PMS2: variants seen among roughly 807,000 people sequenced by gnomAD.
PMS2 encodes mismatch repair endonuclease PMS2.
A neutral mutation model predicts 90.0 loss-of-function variants in PMS2; 69 were observed. That is an observed-to-expected ratio of 0.77 (90% CI 0.63 to 0.94). PMS2 has a LOEUF of 0.94. Among genes scored for constraint, PMS2 ranks in the 40% least tolerant of loss-of-function variants. PMS2 has a pLI of 0.00. For synonymous variants in PMS2, 332 were observed against 375.1 expected (o/e 0.89, Z 1.33); for missense variants, 966 against 1,040.2 (o/e 0.93, Z 0.98).
chr7:5,998,388 G>A (rs1181253506), intron 6 of PMS2, among the ~76,000 whole-genome samples: 1 of 148,426 alleles, frequency 6.7e-6, no homozygotes. Context: ...CCTTGTGATA[G>A]GCACTTTAAA....
At position 5,977,136 on chromosome 7, in the gene PMS2, G is replaced by A. The variant is rs1327943313; in HGVS notation, c.2445+452C>T. Among the ~76,000 whole-genome samples the A allele has an allele frequency of 2.6e-5, 4 of 151,222 alleles. No individual in the cohort carries two copies. In the South Asian group the frequency reaches 8.3e-4, roughly 32 times the overall value. Reference sequence around the variant, plus strand: ...GTGGTATGAACTTGGCTCACTGCAAGTTCCGCCTTCTGGGTTCACGCCATT... The same window carrying A: ...GTGGTATGAACTTGGCTCACTGCAAATTCCGCCTTCTGGGTTCACGCCATT... On this transcript the variant is annotated intron_variant, in intron 14 of 14. Coordinates refer to ENST00000265849, the MANE Select transcript of PMS2 (RefSeq NM_000535.7).
intron 2 of PMS2, among the ~76,000 whole-genome samples, chr7:6,004,928 T>C (rs1262680593): frequency 6.6e-6 from 1 of 152,152 alleles, no homozygotes; most frequent in African/African-American, 2.4e-5. Flanking sequence ...TCTTTTGAGA[T>C]GGAGTTTTGC....
chr7:5,994,932 T>C (rs780069243), intron 8 of PMS2, among the ~76,000 whole-genome samples: 2 of 152,168 alleles, frequency 1.3e-5, no homozygotes, highest in Non-Finnish European at 2.9e-5. Context: ...ATATCTTCTG[T>C]AATTTATTGA....
rs552819358 is a variant in PMS2 at position 6,006,006 on chromosome 7, G to A, written c.49C>T (p.Pro17Ser). ...TGATGGACTGACTTCCGATCAATAG[G>A]TTTGATGGCCTTAGCAGGTTCTGTA... The part of the protein sequence containing the change: ...SSTEPAKAIK[P>S]IDRKSVHQIC... The change falls in exon 2 of 15, where the codon CCT (proline) becomes TCT (serine). Residue 17 changes from proline to serine, a missense_variant. Pro to Ser is a moderately conservative substitution (Grantham distance 74). This residue lies in a region of PMS2 where 871 missense variants were observed against 802.4 expected (regional missense o/e 1.09). Transcript: ENST00000265849. 1.2e-6 allele frequency: 2 copies of A among 1,610,694 alleles called. No individual in the cohort carries two copies. The highest frequency in any genetic ancestry group is 2.2e-5 in the East Asian group (1 of 44,870).
At position 5,983,535 on chromosome 7, in the gene PMS2, A is replaced by AT. The variant is rs948552913; in HGVS notation, c.2007-545dup. Among the ~76,000 whole-genome samples the AT allele has an allele frequency of 7.6e-4, 115 of 151,888 alleles. 4 individuals are homozygous for AT. Among genetic ancestry groups the AT allele is most frequent in the African/African-American group, 2.5e-3 (104 of 41,214 alleles). ...TTCTAGACCCTTGTCTCCATATATAATTTTTTTTAATTTTAAAAAACAAAA... is the reference window on the plus strand; with the variant it reads ...TTCTAGACCCTTGTCTCCATATATAATTTTTTTTTAATTTTAAAAAACAAAA... On this transcript the variant is annotated intron_variant, in intron 11 of 14. Coordinates refer to ENST00000265849, the MANE Select transcript of PMS2 (RefSeq NM_000535.7).
intron 14 of PMS2, 109 bp downstream of exon 14, chr7:5,977,479 G>C: frequency 2.7e-6 from 2 of 751,834 alleles, no homozygotes; most frequent in South Asian, 3.1e-5. Context: ...AATGACCCCT[G>C]GCAATCACAA....
chr7:5,999,007 C>T, intron 6 of PMS2, 101 bp downstream of exon 6: 2 of 1,148,350 alleles, frequency 1.7e-6, no homozygotes, highest in African/African-American at 1.6e-5. Context: ...AAAAAAAAAT[C>T]AATTCTAAGA....
chr7:6,004,138 T>C, intron 2 of PMS2, 80 bp from the exon 3 acceptor site: 2 of 797,202 alleles, frequency 2.5e-6, no homozygotes, highest in Non-Finnish European at 4.4e-6. Context: ...ATTTATAACA[T>C]ATGCAAATTT....
Position 5,989,852 on chromosome 7 carries a change from A to T in PMS2, c.1092T>A (p.Asp364Glu), listed in dbSNP as rs370066853. The change falls in exon 10 of 15, where the codon GAT (aspartate) becomes GAA (glutamate). Residue 364 changes from aspartate (D) to glutamate (E), a missense_variant. Asp to Glu is a conservative substitution (Grantham distance 45). Around this residue, in one of 2 missense-constraint regions of PMS2, gnomAD observed 871 missense variants for 802.4 expected, o/e 1.09. Coordinates refer to ENST00000265849, the MANE Select transcript of PMS2 (RefSeq NM_000535.7). ...VLKTSLIGMF[D>E]SDVNKLNVSQ... ...TGACATTTAGCTTGTTGACATCACT[A>T]TCAAACATTCCTATCAAAGAGGTCT... 1.2e-5 allele frequency: 19 copies of T among 1,612,722 alleles called. No homozygotes were observed. The highest frequency in any genetic ancestry group is 1.4e-5 in the Non-Finnish European group (17 of 1,179,074).
rs2128736217 is a variant in PMS2, at chr7:5,987,559, T to C, written c.1206A>G (p.Gln402=). The C allele has an allele frequency of 1.2e-6, 2 of 1,613,394 alleles. No individual in the cohort carries two copies. Among genetic ancestry groups the C allele is most frequent in the Non-Finnish European group, 1.7e-6 (2 of 1,179,378 alleles). Residue 402 remains glutamine (Q), a synonymous_variant, in exon 11 of 15, where the codon CAA becomes CAG. Transcript: ENST00000265849. ...CTTCTCCAGTCCTTAATGAAGGGGA[T>C]TGATCCTGCTTTTCTACCATGGGCT... The part of the protein sequence containing the change: ...LEKPMVEKQD[Q]SPSLRTGEEK...
chr7:6,005,822 A>C (rs1785675801), intron 2 of PMS2, 70 bp downstream of exon 2: 1 of 1,605,720 alleles, frequency 6.2e-7, no homozygotes, highest in African/African-American at 1.3e-5. Flanking sequence ...TTATTTCAAT[A>C]ACAAATGTTT....
At chr7:5,996,482 G>T (rs1583368856) in intron 7 of PMS2, among the ~76,000 whole-genome samples, 1 of 151,476 alleles carries the variant, frequency 6.6e-6, no homozygotes, top group Non-Finnish European at 1.5e-5. Flanking sequence ...TTGAACCTGG[G>T]AGGCAGAGGT....
At chr7:5,989,714 T>C (rs1783497897) in intron 10 of PMS2, 86 bp downstream of exon 10, 5 of 992,420 alleles carry the variant, frequency 5.0e-6, no homozygotes, top group Non-Finnish European at 7.8e-6. Flanking sequence ...TTTGTTTTCA[T>C]GTCAAAAAAA....
At chr7:5,983,830 T>C (rs1318778357) in intron 11 of PMS2, among the ~76,000 whole-genome samples, 1 of 151,568 alleles carries the variant, frequency 6.6e-6, no homozygotes, top group Non-Finnish European at 1.5e-5. Flanking sequence ...TTTTTTATTT[T>C]TAGTAGAGAC....
In PMS2 at chr7:5,973,535, A is replaced by G. The variant is rs786202876; in HGVS notation, c.2453T>C (p.Ile818Thr). Residue 818 changes from isoleucine (I) to threonine (T), a missense_variant, in exon 15 of 15, where the codon ATT becomes ACT. Ile to Thr is a moderately conservative substitution (Grantham distance 89, BLOSUM62 -1). Coordinates refer to ENST00000265849, the MANE Select transcript of PMS2 (RefSeq NM_000535.7). ...ASRACRKSVM[I>T]GTALNTSEMK... Reference sequence around the variant, plus strand: ...CTCGCTTGTGTTAAGAGCAGTCCCAATCATCACCTGAGTGTGAGACACAAT... The same window carrying G: ...CTCGCTTGTGTTAAGAGCAGTCCCAGTCATCACCTGAGTGTGAGACACAAT... The G allele has an allele frequency of 1.1e-5, 6 of 554,316 alleles. No homozygotes were observed. The allele number at this position is 554,316 out of a possible 1,614,324, so 34.3% of individuals were successfully genotyped here. A position where few individuals can be genotyped will look rare whatever the true frequency, so the allele number is the denominator to read the frequency against.
intron 6 of PMS2, 50 bp from the exon 7 acceptor site, chr7:5,997,473 T>C: frequency 9.8e-7 from 1 of 1,018,818 alleles, no homozygotes; most frequent in Non-Finnish European, 1.5e-6. Context: ...AAAGACAGAG[T>C]GGACTTAATC....
In PMS2 at chr7:5,987,060, T is replaced by G. The variant is rs762151417; in HGVS notation, c.1705A>C (p.Thr569Pro). The change falls in exon 11 of 15, where the codon ACT (threonine) becomes CCT (proline). Residue 569 changes from threonine (T) to proline (P), a missense_variant. Physicochemically the swap from Thr to Pro is conservative, Grantham distance 38 (BLOSUM62 -1). Coordinates refer to ENST00000265849, the MANE Select transcript of PMS2 (RefSeq NM_000535.7). ...TTTGTGTTTGGGGTTGCGAGATTAG[T>G]TGGCTGAGGCAAAACTCGAAATTTA... is the stretch of plus-strand genomic sequence containing the variant. ...GCKFRVLPQPTNLATPNTKRF... is the reference protein window; with the variant it reads ...GCKFRVLPQPPNLATPNTKRF... 1 of 1,614,210 alleles carries G rather than the reference T, an allele frequency of 6.2e-7. No homozygotes were observed.
At chr7:6,005,572 A>G (rs1258691435) in intron 2 of PMS2, among the ~76,000 whole-genome samples, 5 of 152,194 alleles carry the variant, frequency 3.3e-5, no homozygotes, top group African/African-American at 4.8e-5. Flanking sequence ...CTTGGCCTCA[A>G]GCAATTCCCC....
At chr7:5,987,912 G>A (rs1018805803) in intron 10 of PMS2, among the ~76,000 whole-genome samples, 27 of 151,784 alleles carry the variant, frequency 1.8e-4, no homozygotes, top group African/African-American at 6.1e-4. Flanking sequence ...AAAATTAGCC[G>A]GGTGTGGTGG....
Sources: gnomAD v4.1 joint callset for allele counts (sites outside exome capture counted in the v4.1 genomes callset) on GRCh38, gnomAD v4.1.1 for gene constraint, gnomAD v4.1.1 regional missense constraint, MANE v1.5 for transcripts, NCBI Gene and HGNC (gene_info 2026-07-23, HGNC 2026-07-21) for gene names.